The following SF3B3 variants were observed in gnomAD, a reference collection of about 807,000 sequenced individuals.
SF3B3 encodes SAP 130.
In SF3B3, 33 loss-of-function variants were observed where a neutral mutation model predicts 139.2. The ratio of observed to expected loss-of-function variants is 0.24; its 90% CI spans 0.18 to 0.32. The LOEUF (loss-of-function observed/expected upper bound fraction) is 0.32, where lower values mean the gene tolerates loss of function less well. Among genes scored for constraint, SF3B3 ranks in the 10% least tolerant of loss-of-function variants. SF3B3 has a pLI of 1.00. For missense variants in SF3B3, 818 were observed against 1,509.4 expected (o/e 0.54, Z 7.59); for synonymous variants, 596 against 563.6 (o/e 1.06, Z -0.81).
At chr16:70,535,900 A>G (rs2050161317) in intron 6 of SF3B3, among the ~76,000 whole-genome samples, 1 of 152,146 alleles carries the variant, frequency 6.6e-6, no homozygotes, top group Non-Finnish European at 1.5e-5. Flanking sequence ...ATATATCCAT[A>G]TACTTTCTAG....
At chr16:70,527,742 T>G (rs2050078067) in intron 2 of SF3B3, among the ~76,000 whole-genome samples, 2 of 151,976 alleles carry the variant, frequency 1.3e-5, no homozygotes, top group South Asian at 2.1e-4. Context: ...TGTTTTTTGT[T>G]TGTTTTGTTT....
In SF3B3 at chr16:70,538,325, T is replaced by A. The variant is rs768081843; in HGVS notation, c.828T>A (p.Asn276Lys). Residue 276 changes from asparagine to lysine, a missense_variant and splice_region_variant, in exon 7 of 26, where the codon AAT becomes AAA. By Grantham distance (94) the Asn-to-Lys change is moderately conservative. Coordinates refer to ENST00000302516, the MANE Select transcript of SF3B3 (RefSeq NM_012426.5). ...DIRCPIPRRR[N>K]DLDDPERGMI... ...GATTGTGTTTTTGACTTTGCTAGAA[T>A]GACCTGGATGACCCTGAAAGAGGAA... 2 of 1,613,608 alleles carry A rather than the reference T, an allele frequency of 1.2e-6. No homozygotes were observed. Among genetic ancestry groups the A allele is most frequent in the Non-Finnish European group, 1.7e-6 (2 of 1,179,690 alleles).
In SF3B3 at chr16:70,526,065, C is replaced by T. The variant is rs144670981; in HGVS notation, c.-70-522C>T. On this transcript the variant is annotated intron_variant, in intron 1 of 25. Coordinates refer to ENST00000302516, the MANE Select transcript of SF3B3 (RefSeq NM_012426.5). ...TTTCTAGCCTGGAGCATTGATCTTG[C>T]CACCCTGCTTTTGCTCAGCCCAGAA... 3.4e-3 allele frequency among the ~76,000 whole-genome samples: 519 copies of T among 151,720 alleles called. 6 individuals are homozygous for T. The highest frequency in any genetic ancestry group is 0.012 in the African/African-American group (483 of 41,376).
chr16:70,524,052 G>A (rs2151770373), intron 1 of SF3B3, 124 bp downstream of exon 1: 2 of 398,576 alleles, frequency 5.0e-6, no homozygotes, highest in African/African-American at 2.1e-5. Context: ...GGGACCAGGA[G>A]GAGGTACCGA....
chr16:70,526,644 G>T lies in SF3B3; in HGVS notation c.-13G>T. 6.2e-7 allele frequency: 1 copy of T among 1,612,822 alleles called. No individual in the cohort carries two copies. Among genetic ancestry groups the T allele is most frequent in the Non-Finnish European group, 8.5e-7 (1 of 1,179,094 alleles). On this transcript the variant is annotated 5_prime_UTR_variant, in exon 2 of 26. Coordinates refer to ENST00000302516, the MANE Select transcript of SF3B3 (RefSeq NM_012426.5). ...AGGCCTGGAGGTCTGGGTGGCTCAG[G>T]TTTCCTGCAGCCATGTTTCTGTACA...
chr16:70,547,382 T>G (rs1430834721), intron 10 of SF3B3, among the ~76,000 whole-genome samples: 1 of 152,206 alleles, frequency 6.6e-6, no homozygotes, highest in Non-Finnish European at 1.5e-5. Context: ...TTTAAATTTA[T>G]AAAAAAATTG....
chr16:70,570,062 C>T lies in SF3B3; in HGVS notation c.3321C>T (p.Thr1107=). 1 of 1,614,068 alleles carries T rather than the reference C, an allele frequency of 6.2e-7. No individual in the cohort carries two copies. The highest frequency in any genetic ancestry group is 8.5e-7 in the Non-Finnish European group (1 of 1,180,014). ...VGETVLSLQK[T]TLIPGGSESL... is the part of the protein sequence containing the mutation. ...AGACGGTGCTGTCCTTGCAGAAGAC[C>T]ACGCTGATCCCTGGAGGCTCAGAAT... Residue 1107 remains threonine (T), a synonymous_variant, in exon 24 of 26, where the codon ACC becomes ACT. Transcript: ENST00000302516.
chr16:70,542,887 A>G (rs962156717), intron 9 of SF3B3, among the ~76,000 whole-genome samples: 2 of 151,518 alleles, frequency 1.3e-5, no homozygotes, highest in Non-Finnish European at 2.9e-5. Flanking sequence ...ATGCCCAGCT[A>G]ATTTTTTGTA....
In SF3B3 at chr16:70,568,442, C is replaced by G. The variant is rs368091604; in HGVS notation, c.3112C>G (p.Leu1038Val). ...TYPRWVTTAS[L>V]LDYDTVAGAD... ...CCCCCGATGGGTCACTACAGCCAGC[C>G]TCCTGGACTATGACACTGTGGCTGG... Residue 1038 changes from leucine (L) to valine (V), a missense_variant, in exon 22 of 26, where the codon CTC (leucine) becomes GTC (valine). Transcript: ENST00000302516. The G allele has an allele frequency of 3.7e-6, 6 of 1,613,956 alleles. No homozygotes were observed. Among genetic ancestry groups the G allele is most frequent in the Non-Finnish European group, 5.1e-6 (6 of 1,179,940 alleles).
At chr16:70,568,519 G>A in intron 22 of SF3B3, 24 bp downstream of exon 22, 1 of 1,584,582 alleles carries the variant, frequency 6.3e-7, no homozygotes, top group Non-Finnish European at 8.7e-7. Context: ...GTTAACTTGG[G>A]TTACAGTGAT....
intron 15 of SF3B3, among the ~76,000 whole-genome samples, chr16:70,558,700 G>A (rs1013141238): frequency 5.3e-5 from 8 of 152,106 alleles, no homozygotes; most frequent in African/African-American, 1.7e-4. Context: ...GGGTTCAAGC[G>A]ATTCTCATGC....
chr16:70,558,463 C>T (rs963429771), intron 15 of SF3B3, among the ~76,000 whole-genome samples: 7 of 152,060 alleles, frequency 4.6e-5, no homozygotes, highest in African/African-American at 1.4e-4. Flanking sequence ...ATCATTCTAA[C>T]ATGTAGTTAA....
chr16:70,537,904 T>C (rs200535598), intron 6 of SF3B3: 1 of 405,618 alleles, frequency 2.5e-6, no homozygotes, highest in South Asian at 1.8e-5. Context: ...TGAGACCTTG[T>C]CTTTAAAAGA....
At chr16:70,536,238 G>T (rs1388572048) in intron 6 of SF3B3, among the ~76,000 whole-genome samples, 5 of 151,680 alleles carry the variant, frequency 3.3e-5, no homozygotes, top group African/African-American at 1.2e-4. Context: ...TGTGATCTTG[G>T]CTCACTGAAA....
intron 15 of SF3B3, among the ~76,000 whole-genome samples, chr16:70,560,066 A>G (rs1398094738): frequency 6.6e-6 from 1 of 152,174 alleles, no homozygotes; most frequent in Non-Finnish European, 1.5e-5. Context: ...TGTCTGGAAC[A>G]TTCTTGCCCC....
rs1286994828 is a variant in SF3B3 at position 70,565,370 on chromosome 16, T to C, written c.2672T>C (p.Val891Ala). The C allele has an allele frequency of 1.2e-6, 2 of 1,614,076 alleles. No homozygotes were observed. Among genetic ancestry groups the C allele is most frequent in the Non-Finnish European group, 1.7e-6 (2 of 1,180,036 alleles). ...CTTGCTTCTTATTCTGTGTGTAGTGTGGCTGTGTGCAGGTTTTCCAACACT... is the reference window on the plus strand; with the variant it reads ...CTTGCTTCTTATTCTGTGTGTAGTGCGGCTGTGTGCAGGTTTTCCAACACT... Reference protein sequence around the residue: ...QLEQNEAAFSVAVCRFSNTGE... With the variant: ...QLEQNEAAFSAAVCRFSNTGE... The change falls in exon 20 of 26, where the codon GTG becomes GCG. Residue 891 changes from valine to alanine, a missense_variant and splice_region_variant. Val to Ala is a moderately conservative substitution (Grantham distance 64). Coordinates refer to ENST00000302516, the MANE Select transcript of SF3B3 (RefSeq NM_012426.5).
chr16:70,549,635 C>G (rs544483771), intron 11 of SF3B3, among the ~76,000 whole-genome samples: 64 of 152,064 alleles, frequency 4.2e-4, no homozygotes, highest in African/African-American at 6.5e-4. Context: ...TATTTTAAAA[C>G]AGATTTAGGG....
In SF3B3 at chr16:70,561,674, A is replaced by G. The variant is rs778853469; in HGVS notation, c.2178A>G (p.Gln726=). 2.5e-6 allele frequency: 4 copies of G among 1,613,854 alleles called. No homozygotes were observed. The highest frequency in any genetic ancestry group is 2.7e-5 in the African/African-American group (2 of 74,966). Residue 726 remains glutamine, a synonymous_variant, in exon 17 of 26, where the codon CAA becomes CAG. Coordinates refer to ENST00000302516, the MANE Select transcript of SF3B3 (RefSeq NM_012426.5). ...GCTCATGGTTGAGCTATTCTTACCA[A>G]TCTCGCTTCCATCTCACCCCACTGT... ...SSRSWLSYSY[Q]SRFHLTPLSY... is the part of the protein sequence containing the mutation.
At chr16:70,567,169 G>C (rs1424866547) in intron 20 of SF3B3, among the ~76,000 whole-genome samples, 1 of 152,128 alleles carries the variant, frequency 6.6e-6, no homozygotes, top group Admixed American at 6.5e-5. Context: ...CAGAGCACAA[G>C]CTCTGGACAG....
Sources: allele counts gnomAD v4.1 joint callset (sites outside exome capture counted in the v4.1 genomes callset), GRCh38; gene constraint gnomAD v4.1.1; transcripts MANE v1.5; gene names NCBI Gene and HGNC (gene_info 2026-07-23, HGNC 2026-07-21).